The following OR3A2 variants were observed in gnomAD, a reference collection of about 807,000 sequenced individuals.
OR3A2 encodes the protein olfactory receptor 3A2.
For synonymous variants in OR3A2, 126 were observed against 159.3 expected (o/e 0.79, Z 1.57); for missense variants, 318 against 392.8 (o/e 0.81, Z 1.61).
intron 3 of OR3A2, among the ~76,000 whole-genome samples, chr17:3,290,377 T>G (rs938204239): frequency 1.3e-5 from 2 of 152,170 alleles, no homozygotes; most frequent in African/African-American, 4.8e-5. Context: ...CCCCCTCCAC[T>G]TGCAATTCTC....
chr17:3,309,198 G>A (rs1233597411), intron 3 of OR3A2, among the ~76,000 whole-genome samples: 2 of 152,134 alleles, frequency 1.3e-5, no homozygotes, highest in Non-Finnish European at 2.9e-5. Flanking sequence ...GAGTCACCAC[G>A]CCCGGCCGAG....
intron 2 of OR3A2, among the ~76,000 whole-genome samples, chr17:3,354,045 G>A (rs230465): frequency 0.67 from 101,802 of 151,486 alleles, 35,393 homozygotes; most frequent in East Asian, 1. Flanking sequence ...GTTATGATGA[G>A]TAATTTTTTT....
intron 3 of OR3A2, among the ~76,000 whole-genome samples, chr17:3,317,570 G>C (rs2049089092): frequency 6.6e-6 from 1 of 152,078 alleles, no homozygotes; most frequent in South Asian, 2.1e-4. Flanking sequence ...CTAGCTGTGT[G>C]ACACAGGGTA....
At chr17:3,366,563 A>C (rs989312573) in intron 2 of OR3A2, among the ~76,000 whole-genome samples, 10 of 152,162 alleles carry the variant, frequency 6.6e-5, no homozygotes, top group Non-Finnish European at 1.5e-4. Context: ...GCAACAGAAA[A>C]AACAGAAGTA....
intron 3 of OR3A2, among the ~76,000 whole-genome samples, chr17:3,322,659 A>C (rs1184831094): frequency 1.3e-5 from 2 of 152,180 alleles, no homozygotes; most frequent in Non-Finnish European, 2.9e-5. Flanking sequence ...CAGGTTGTTC[A>C]GTTTCCATAT....
At chr17:3,326,058 G>A (rs556731969) in intron 3 of OR3A2, among the ~76,000 whole-genome samples, 12 of 152,116 alleles carry the variant, frequency 7.9e-5, no homozygotes, top group South Asian at 4.2e-4. Flanking sequence ...TTCTGTGCCC[G>A]CATTAGTTTG....
Position 3,371,590 on chromosome 17 carries a change from C to T in OR3A2, c.-179+12214G>A, listed in dbSNP as rs544786581. On this transcript the variant is annotated intron_variant, in intron 2 of 4. Transcript: ENST00000573491. ...GGGGCTGATTCCCCCACCTCCCTCC[C>T]GGACGGGGTGGCTGGCCGGGCAGAG... Among the ~76,000 whole-genome samples, 380 of 138,300 alleles carry T rather than the reference C, an allele frequency of 2.7e-3. 5 individuals carry two copies. The highest frequency in any genetic ancestry group is 9.5e-3 in the African/African-American group (345 of 36,346). 90.7% of individuals were successfully genotyped at this position (138,300 alleles called of 152,430 possible). A position where few individuals can be genotyped will look rare whatever the true frequency, so the allele number is the denominator to read the frequency against.
chr17:3,363,388 ATGC>A (rs1480236207), intron 2 of OR3A2, among the ~76,000 whole-genome samples: 2 of 151,934 alleles, frequency 1.3e-5, no homozygotes, highest in African/African-American at 4.9e-5. Flanking sequence ...CAGGAGCAAC[ATGC>A]TGCCAGTTTC....
At position 3,329,539 on chromosome 17, in the gene OR3A2, T is replaced by C. The variant is rs2049210255; in HGVS notation, c.-85+6494A>G. On this transcript the variant is annotated intron_variant, in intron 3 of 4. Coordinates refer to the OR3A2 transcript ENST00000573491. ...ATTCTCTGATGGTAGTTTGTATTTC[T>C]GTGGGATCGGTGGTGATATCCCCTT... Among the ~76,000 whole-genome samples, 2 of 125,710 alleles carry C rather than the reference T, an allele frequency of 1.6e-5. 1 individual carries two copies. Among genetic ancestry groups the C allele is most frequent in the African/African-American group, 6.3e-5 (2 of 31,944 alleles). The allele number at this position is 125,710 out of a possible 152,430, so 82.5% of individuals were successfully genotyped here.
chr17:3,381,195 G>A (rs1597366983), intron 2 of OR3A2, among the ~76,000 whole-genome samples: 1 of 150,594 alleles, frequency 6.6e-6, no homozygotes, highest in South Asian at 2.1e-4. Flanking sequence ...GGATACATCC[G>A]TGTGTGTCTG....
At chr17:3,277,758 G>A (rs1170784245) in exon 2 of OR3A2, 1 of 538,060 alleles carries the variant, frequency 1.9e-6, no homozygotes, top group Non-Finnish European at 3.2e-6. Context: ...CCAATGCCTT[G>A]GAAGACTGTC....
upstream of OR3A2, among the ~76,000 whole-genome samples, chr17:3,285,879 G>A (rs2048805935): frequency 1.3e-5 from 2 of 152,156 alleles, no homozygotes; most frequent in Non-Finnish European, 2.9e-5. Flanking sequence ...AACACAACAA[G>A]CCTGGAGTCT....
At chr17:3,334,126 G>A (rs2049260544) in intron 3 of OR3A2, among the ~76,000 whole-genome samples, 1 of 152,194 alleles carries the variant, frequency 6.6e-6, no homozygotes, top group Non-Finnish European at 1.5e-5. Flanking sequence ...CGAGGTTGCA[G>A]AGAAAAAGGA....
At chr17:3,326,833 T>G (rs1249687253) in intron 3 of OR3A2, among the ~76,000 whole-genome samples, 1 of 141,620 alleles carries the variant, frequency 7.1e-6, no homozygotes, top group Admixed American at 7.4e-5. Flanking sequence ...GATAGTTTAC[T>G]GAGAATGATG....
Position 3,291,278 on chromosome 17 carries a change from G to C in OR3A2, c.-84-12125C>G, listed in dbSNP as rs113609258. The C allele has an allele frequency of 4.5e-3, 896 of 199,846 alleles. 12 individuals are homozygous for C. Among genetic ancestry groups the C allele is most frequent in the African/African-American group, 0.02 (849 of 43,326 alleles). The allele number at this position is 199,846 out of a possible 1,614,324, so 12.4% of individuals were successfully genotyped here. Reference sequence around the variant, plus strand: ...AGGGAAAAATATGACTTCTGGCGGGGAGTTTTCTGGGGTACTTCTGGCAAC... The same window carrying C: ...AGGGAAAAATATGACTTCTGGCGGGCAGTTTTCTGGGGTACTTCTGGCAAC... On this transcript the variant is annotated intron_variant, in intron 3 of 4. Coordinates refer to the OR3A2 transcript ENST00000573491.
chr17:3,375,237 T>C (rs2150666899), intron 2 of OR3A2, among the ~76,000 whole-genome samples: 1 of 72,070 alleles, frequency 1.4e-5, no homozygotes, highest in Non-Finnish European at 2.5e-5. Context: ...TTTCTTTTTT[T>C]TTTTTTTTCC....
intron 2 of OR3A2, among the ~76,000 whole-genome samples, chr17:3,352,797 T>C (rs752319654): frequency 6.6e-6 from 1 of 152,120 alleles, no homozygotes; most frequent in Non-Finnish European, 1.5e-5. Context: ...GTCATTGGTA[T>C]TTTGATAAGG....
At chr17:3,338,653 A>G (rs2049291482) in intron 2 of OR3A2, among the ~76,000 whole-genome samples, 2 of 152,170 alleles carry the variant, frequency 1.3e-5, no homozygotes, top group South Asian at 4.1e-4. Flanking sequence ...TACCAGTACC[A>G]TGCTGTTTTG....
intron 3 of OR3A2, among the ~76,000 whole-genome samples, chr17:3,299,201 T>C (rs1034968592): frequency 6.6e-6 from 1 of 152,158 alleles, no homozygotes; most frequent in African/African-American, 2.4e-5. Context: ...AGACAGAGCG[T>C]TGTTCTCCCA....
Sources: gnomAD v4.1 joint callset for allele counts (sites outside exome capture counted in the v4.1 genomes callset) on GRCh38, gnomAD v4.1.1 for gene constraint, MANE v1.5 for transcripts, NCBI Gene and HGNC (gene_info 2026-07-23, HGNC 2026-07-21) for gene names.